The following UNC79 variants were observed in gnomAD, a reference collection of about 807,000 sequenced individuals.
UNC79 encodes the protein protein unc-79 homolog.
Under a neutral mutation model 283.1 loss-of-function variants are expected in UNC79, and 37 were observed. The ratio of observed to expected loss-of-function variants is 0.13; its 90% CI spans 0.10 to 0.17. The LOEUF (loss-of-function observed/expected upper bound fraction) is 0.17, where lower values mean the gene tolerates loss of function less well. Among genes scored for constraint, UNC79 ranks in the 10% least tolerant of loss-of-function variants. The pLI is 1.00. For missense variants in UNC79, 2,272 were observed against 3,211.1 expected (o/e 0.71, Z 7.07); for synonymous variants, 1,107 against 1,200.2 (o/e 0.92, Z 1.61).
intron 34 of UNC79, 83 bp from the exon 38 acceptor site, chr14:93,646,525 A>G: frequency 7.1e-7 from 1 of 1,404,912 alleles, no homozygotes. Flanking sequence ...AACTGGAAAC[A>G]CAACAGGTCC....
At chr14:93,661,769 C>T (rs551996073) in intron 39 of UNC79, among the ~76,000 whole-genome samples, 1 of 152,206 alleles carries the variant, frequency 6.6e-6, no homozygotes, top group Non-Finnish European at 1.5e-5. Flanking sequence ...AACTTGCACC[C>T]TAATGAGGTG....
chr14:93,661,906 T>C (rs1027447780), intron 39 of UNC79, among the ~76,000 whole-genome samples: 2 of 152,174 alleles, frequency 1.3e-5, no homozygotes, highest in Non-Finnish European at 2.9e-5. Context: ...CTTGTGTCAT[T>C]ACCTATATTA....
chr14:93,355,763 A>C (rs1022237777), intron 1 of UNC79, among the ~76,000 whole-genome samples: 1 of 152,198 alleles, frequency 6.6e-6, no homozygotes, highest in Non-Finnish European at 1.5e-5. Context: ...TCAACTACTC[A>C]TATTTTCATG....
At chr14:93,542,605 A>C (rs1400617122) in exon 14 of UNC79, 1 of 1,614,202 alleles carries the variant, frequency 6.2e-7, no homozygotes. Context: ...CTGAAGCCTC[A>C]GTTTGTCACC....
Position 93,464,228 on chromosome 14 carries a change from A to G in UNC79, c.23-3443A>G, listed in dbSNP as rs144725111. Among the ~76,000 whole-genome samples the G allele has an allele frequency of 2.2e-3, 341 of 152,338 alleles. 1 individual carries two copies. Among genetic ancestry groups the G allele is most frequent in the African/African-American group, 7.7e-3 (322 of 41,574 alleles). On this transcript the variant is annotated intron_variant, in intron 1 of 48. Transcript: ENST00000555664. ...GCTCCAGCTGCCATAAAAGTACCAC[A>G]GACTGGGTGGCTAAAACAACAGAAA...
At chr14:93,425,303 A>T (rs1248907389) in intron 1 of UNC79, among the ~76,000 whole-genome samples, 1 of 152,218 alleles carries the variant, frequency 6.6e-6, no homozygotes, top group East Asian at 1.9e-4. Flanking sequence ...GCAGCATGGG[A>T]GTAACCGCCC....
chr14:93,691,864 G>A, exon 46 of UNC79: 1 of 1,614,178 alleles, frequency 6.2e-7, no homozygotes, highest in East Asian at 2.2e-5. Context: ...AATGAATTCA[G>A]CTTCACGGCG....
intron 15 of UNC79, 35 bp downstream of exon 15, chr14:93,572,119 T>C (rs1259277998): frequency 6.2e-7 from 1 of 1,601,316 alleles, no homozygotes; most frequent in East Asian, 2.2e-5. Context: ...ACTGTAATTA[T>C]AATCATATCT....
At chr14:93,612,981 C>T (rs767249315) in exon 27 of UNC79, 89 of 1,614,058 alleles carry the variant, frequency 5.5e-5, no homozygotes, top group Non-Finnish European at 7.1e-5. Flanking sequence ...GACACCTGTA[C>T]GTCTTACTCG....
chr14:93,372,677 C>T (rs1227802433), intron 1 of UNC79, among the ~76,000 whole-genome samples: 1 of 152,112 alleles, frequency 6.6e-6, no homozygotes, highest in African/African-American at 2.4e-5. Flanking sequence ...AGACAAAAAC[C>T]AGTAGAATTT....
Position 93,617,154 on chromosome 14 carries a change from C to T in UNC79, c.4074C>T (p.His1358=). The change falls in exon 28 of 49, where the codon CAC becomes CAT. Residue 1358 remains histidine, a synonymous_variant. Transcript: ENST00000555664. The surrounding 1 kb of genome is among the most constrained non-coding windows in gnomAD (Gnocchi z 4.5). Reference sequence around the variant, plus strand: ...ACTATAACATTAACTTGGGAAAACACCTTCTCCCCTTAGTGGTTCAGGTGC... The same window carrying T: ...ACTATAACATTAACTTGGGAAAACATCTTCTCCCCTTAGTGGTTCAGGTGC... 3 of 1,613,594 alleles carry T rather than the reference C, an allele frequency of 1.9e-6. No homozygotes were observed. Among genetic ancestry groups the T allele is most frequent in the Non-Finnish European group, 2.5e-6 (3 of 1,179,734 alleles).
intron 1 of UNC79, among the ~76,000 whole-genome samples, chr14:93,335,944 G>C (rs568468874): frequency 9.9e-5 from 15 of 152,274 alleles, no homozygotes; most frequent in African/African-American, 3.6e-4. Context: ...TTTATGTTTT[G>C]TTCCTTTCTC....
Position 93,374,669 on chromosome 14 carries a change from G to A in UNC79, c.-351+41146G>A, listed in dbSNP as rs376785336. On this transcript the variant is annotated intron_variant, in intron 1 of 49. Coordinates refer to the UNC79 transcript ENST00000256339. ...TCCTCCCACCTCAGCCTCCTGAGTAGCTGGGATTACAGTTGAGTGCCACCA... is the reference window on the plus strand; with the variant it reads ...TCCTCCCACCTCAGCCTCCTGAGTAACTGGGATTACAGTTGAGTGCCACCA... 5.3e-5 allele frequency among the ~76,000 whole-genome samples: 8 copies of A among 152,254 alleles called. No homozygotes were observed. The East Asian group carries it at 7.7e-4, about 15-fold the overall frequency.
At chr14:93,616,465 C>T (rs1028010799) in intron 27 of UNC79, among the ~76,000 whole-genome samples, 1 of 149,270 alleles carries the variant, frequency 6.7e-6, no homozygotes, top group African/African-American at 2.5e-5. Context: ...ACCTCCCAGG[C>T]TCAGAGGATC....
chr14:93,501,532 C>T (rs1306044449), intron 7 of UNC79, among the ~76,000 whole-genome samples: 1 of 151,578 alleles, frequency 6.6e-6, no homozygotes. Context: ...TACTAAAATA[C>T]AAAAAATTAG....
At chr14:93,496,836 T>C (rs910164297) in intron 6 of UNC79, among the ~76,000 whole-genome samples, 1 of 152,196 alleles carries the variant, frequency 6.6e-6, no homozygotes, top group African/African-American at 2.4e-5. Context: ...TTTTCAAATA[T>C]GGTATTTGGC....
intron 4 of UNC79, among the ~76,000 whole-genome samples, chr14:93,479,991 A>G (rs955072485): frequency 2.1e-4 from 32 of 152,246 alleles, no homozygotes; most frequent in African/African-American, 7.0e-4. Context: ...ATAAGTTAAT[A>G]ATTATGGGAG....
intron 1 of UNC79, among the ~76,000 whole-genome samples, chr14:93,406,344 G>C (rs896854783): frequency 1.6e-4 from 25 of 152,090 alleles, no homozygotes; most frequent in African/African-American, 6.0e-4. Context: ...GCACTTTGGG[G>C]GTCTTAGGCA....
intron 1 of UNC79, among the ~76,000 whole-genome samples, chr14:93,431,432 C>T (rs1486091638): frequency 6.6e-6 from 1 of 151,876 alleles, no homozygotes; most frequent in East Asian, 1.9e-4. Context: ...GGGCGGGGAA[C>T]TGTCAGTTGC....
Sources: allele counts gnomAD v4.1 joint callset (sites outside exome capture counted in the v4.1 genomes callset), GRCh38; gene constraint gnomAD v4.1.1; non-coding constraint Gnocchi (gnomAD v3.1); transcripts MANE v1.5; gene names NCBI Gene and HGNC (gene_info 2026-07-23, HGNC 2026-07-21).